Variants in KCNB2 observed in about 807,000 individuals in gnomAD.
KCNB2 encodes the protein potassium voltage-gated channel subfamily B member 2, also known as delayed rectifier potassium channel protein.
In KCNB2, 15 loss-of-function variants were observed where a neutral mutation model predicts 61.5. The ratio of observed to expected loss-of-function variants is 0.24; its 90% CI spans 0.16 to 0.38. The LOEUF is 0.38. Among genes scored for constraint, KCNB2 ranks in the 10% least tolerant of loss-of-function variants. KCNB2 has a pLI of 1.00. For synonymous variants in KCNB2, 457 were observed against 446.0 expected, an observed-to-expected ratio of 1.02 and a Z score of -0.31; for missense variants, 828 against 1,125.2, an observed-to-expected ratio of 0.74 and a Z score of 3.78.
At chr8:72,690,508 G>A (rs150735124) in intron 2 of KCNB2, among the ~76,000 whole-genome samples, 2,289 of 152,214 alleles carry the variant, frequency 0.015, 46 homozygotes, top group African/African-American at 0.053. Flanking sequence ...ATACACATGC[G>A]TGCATCTCTC....
At chr8:72,836,531 A>G (rs1809784826) in intron 2 of KCNB2, among the ~76,000 whole-genome samples, 1 of 152,180 alleles carries the variant, frequency 6.6e-6, no homozygotes, top group African/African-American at 2.4e-5. Context: ...TCCTTTAACA[A>G]ATGGCTACCC....
intron 1 of KCNB2, among the ~76,000 whole-genome samples, chr8:72,552,169 A>G (rs1440032915): frequency 1.3e-5 from 2 of 152,230 alleles, no homozygotes; most frequent in African/African-American, 2.4e-5. Flanking sequence ...GAATGGGAGT[A>G]GAGGTAGAAG....
chr8:72,623,404 G>A (rs1420418287), intron 2 of KCNB2, among the ~76,000 whole-genome samples: 1 of 152,182 alleles, frequency 6.6e-6, no homozygotes, highest in Non-Finnish European at 1.5e-5. Flanking sequence ...GCCCAAGGAA[G>A]CAGCATCAAG....
intron 2 of KCNB2, among the ~76,000 whole-genome samples, chr8:72,828,953 C>A (rs1809644513): frequency 6.6e-6 from 1 of 152,140 alleles, no homozygotes; most frequent in Non-Finnish European, 1.5e-5. Context: ...GACCTGTGTG[C>A]ATTTATGATC....
intron 2 of KCNB2, among the ~76,000 whole-genome samples, chr8:72,734,098 G>C (rs1023909412): frequency 2.6e-5 from 4 of 152,174 alleles, no homozygotes; most frequent in African/African-American, 9.7e-5. Context: ...ATTTATATTA[G>C]TAATTAGATA....
chr8:72,686,961 T>A (rs1219733638), intron 2 of KCNB2, among the ~76,000 whole-genome samples: 2 of 152,210 alleles, frequency 1.3e-5, no homozygotes, highest in African/African-American at 4.8e-5. Flanking sequence ...TCCACATTCC[T>A]GTAGAATTCC....
intron 2 of KCNB2, among the ~76,000 whole-genome samples, chr8:72,927,576 T>C (rs532190230): frequency 6.6e-6 from 1 of 152,316 alleles, no homozygotes; most frequent in African/African-American, 2.4e-5. Flanking sequence ...GACCCCCAAC[T>C]CTTTTCTGTG....
At chr8:72,885,588 G>T (rs1476970687) in intron 2 of KCNB2, among the ~76,000 whole-genome samples, 1 of 152,062 alleles carries the variant, frequency 6.6e-6, no homozygotes, top group African/African-American at 2.4e-5. Context: ...TGGCAGAAGG[G>T]TATGCATCAA....
chr8:72,717,776 C>G (rs981628404), intron 2 of KCNB2, among the ~76,000 whole-genome samples: 1 of 152,112 alleles, frequency 6.6e-6, no homozygotes, highest in Admixed American at 6.5e-5. Context: ...GACTAAAACA[C>G]CAAAAGCAAT....
intron 2 of KCNB2, among the ~76,000 whole-genome samples, chr8:72,601,340 G>A (rs56885417): frequency 0.028 from 4,218 of 152,216 alleles, 212 homozygotes; most frequent in African/African-American, 0.097. Flanking sequence ...GTACATTCCA[G>A]TGGAGAGTAT....
chr8:72,819,549 T>C (rs1474057346), intron 2 of KCNB2, among the ~76,000 whole-genome samples: 2 of 152,128 alleles, frequency 1.3e-5, no homozygotes, highest in African/African-American at 4.8e-5. Flanking sequence ...TCAATAGGAA[T>C]AGGAATCAAT....
At chr8:72,886,325 T>C (rs1805806503) in intron 2 of KCNB2, among the ~76,000 whole-genome samples, 1 of 152,182 alleles carries the variant, frequency 6.6e-6, no homozygotes. Flanking sequence ...CACATTTCTG[T>C]TATCCTAAAA....
At chr8:72,892,009 C>T (rs1805903392) in intron 2 of KCNB2, among the ~76,000 whole-genome samples, 1 of 152,054 alleles carries the variant, frequency 6.6e-6, no homozygotes, top group African/African-American at 2.4e-5. Flanking sequence ...GAAGCCAGAG[C>T]AGCTTGAAGG....
At chr8:72,544,070 A>G (rs1806227105) in intron 1 of KCNB2, among the ~76,000 whole-genome samples, 1 of 152,202 alleles carries the variant, frequency 6.6e-6, no homozygotes, top group Admixed American at 6.5e-5. Context: ...ATCATTTTCT[A>G]CGTGGGATAG....
intron 2 of KCNB2, among the ~76,000 whole-genome samples, chr8:72,603,756 C>T (rs1386320845): frequency 6.6e-6 from 1 of 152,148 alleles, no homozygotes; most frequent in Non-Finnish European, 1.5e-5. Context: ...GATGAGATCA[C>T]ACTGGAGTAG....
intron 2 of KCNB2, among the ~76,000 whole-genome samples, chr8:72,873,625 C>T (rs1192806401): frequency 6.6e-6 from 1 of 152,208 alleles, no homozygotes; most frequent in Non-Finnish European, 1.5e-5. Flanking sequence ...AGAACCCATA[C>T]TATAGTTGTT....
intron 2 of KCNB2, among the ~76,000 whole-genome samples, chr8:72,816,015 A>G (rs998279200): frequency 6.6e-6 from 1 of 152,202 alleles, no homozygotes; most frequent in Non-Finnish European, 1.5e-5. Flanking sequence ...AGGTTTTTGT[A>G]ATTAAGTGAT....
At chr8:72,847,722 T>A (rs1320831027) in intron 2 of KCNB2, among the ~76,000 whole-genome samples, 13 of 151,528 alleles carry the variant, frequency 8.6e-5, no homozygotes, top group Admixed American at 7.9e-4. Flanking sequence ...ATGCAAAAAA[T>A]AAAAAAAACA....
chr8:72,762,882 A>AATAT (rs10551590), intron 2 of KCNB2, among the ~76,000 whole-genome samples: 12,032 of 141,388 alleles, frequency 0.085, 618 homozygotes, highest in African/African-American at 0.15. Context: ...CATATTAACA[A>AATAT]ATATATATAT....
Sources: gnomAD v4.1 joint callset for allele counts (sites outside exome capture counted in the v4.1 genomes callset) on GRCh38, gnomAD v4.1.1 for gene constraint, MANE v1.5 for transcripts, NCBI Gene and HGNC (gene_info 2026-07-23, HGNC 2026-07-21) for gene names.